GAN: variants seen among roughly 807,000 people sequenced by gnomAD.
GAN encodes the protein gigaxonin, also known as epididymis secretory sperm binding protein.
Under a neutral mutation model 71.3 loss-of-function variants are expected in GAN, and 48 were observed. The observed-to-expected ratio is 0.67, with a 90% confidence interval of 0.53 to 0.86. The LOEUF (loss-of-function observed/expected upper bound fraction) is 0.86. GAN is among the 40% of genes least tolerant of loss of function. The pLI is 0.00. For synonymous variants in GAN, 386 were observed against 276.8 expected, an observed-to-expected ratio of 1.39 and a Z score of -3.92; for missense variants, 928 against 770.1, an observed-to-expected ratio of 1.21 and a Z score of -2.43.
In GAN at chr16:81,385,417, G is replaced by C. The variant is rs888473621; in HGVS notation, c.*7821G>C. 7 of 152,214 alleles carry C rather than the reference G, an allele frequency of 4.6e-5. No individual in the cohort carries two copies. The highest frequency in any genetic ancestry group is 1.7e-4 in the African/African-American group (7 of 41,450). 9.4% of individuals were successfully genotyped at this position (152,214 alleles called of 1,614,324 possible). A position where few individuals can be genotyped will look rare whatever the true frequency, so the allele number is the denominator to read the frequency against. ...AGGCCTTGGTGGCAGGTGCATCTGGGCTTGGGGGCTTCTGCCACACTTACT... is the reference window on the plus strand; with the variant it reads ...AGGCCTTGGTGGCAGGTGCATCTGGCCTTGGGGGCTTCTGCCACACTTACT... On this transcript the variant is annotated 3_prime_UTR_variant, in exon 11 of 11. Coordinates refer to ENST00000648994, the MANE Select transcript of GAN (RefSeq NM_022041.4).
intron 1 of GAN, among the ~76,000 whole-genome samples, chr16:81,329,372 A>G (rs1369014616): frequency 1.3e-5 from 2 of 152,178 alleles, no homozygotes; most frequent in African/African-American, 4.8e-5. Context: ...GTGGCCAAAT[A>G]AACTCTCTAC....
At chr16:81,332,795 C>T (rs968524037) in intron 1 of GAN, among the ~76,000 whole-genome samples, 5 of 152,158 alleles carry the variant, frequency 3.3e-5, no homozygotes, top group African/African-American at 4.8e-5. Flanking sequence ...TGGTTTCTTA[C>T]GATTAGATTG....
At chr16:81,376,535 GTA>G in intron 9 of GAN, among the ~76,000 whole-genome samples, 1 of 147,792 alleles carries the variant, frequency 6.8e-6, no homozygotes, top group African/African-American at 2.5e-5. Context: ...ACATATATGT[GTA>G]TATGTATATA....
Position 81,377,589 on chromosome 16 carries a change from C to G in GAN, c.1787C>G (p.Ser596Cys). 1 of 1,613,968 alleles carries G rather than the reference C, an allele frequency of 6.2e-7. No individual in the cohort carries two copies. Among genetic ancestry groups the G allele is most frequent in the Non-Finnish European group, 8.5e-7 (1 of 1,179,854 alleles). ...GGCTTATTCCGTATTCGTGTTCATT[C>G]CCCTTGAGGAGGAAGCAGAGCAGAG... ...QQGLFRIRVH[S>C]P Residue 596 changes from serine to cysteine, a missense_variant, in exon 11 of 11, where the codon TCC (serine) becomes TGC (cysteine). Ser to Cys is a moderately radical substitution (Grantham distance 112, BLOSUM62 -1). Coordinates refer to ENST00000648994, the MANE Select transcript of GAN (RefSeq NM_022041.4).
chr16:81,357,007 G>T lies in GAN; in HGVS notation c.851+5G>T. The T allele has an allele frequency of 2.6e-6, 4 of 1,549,284 alleles. No homozygotes were observed. The highest frequency in any genetic ancestry group is 3.6e-6 in the Non-Finnish European group (4 of 1,122,114). On this transcript the variant is annotated splice_donor_5th_base_variant and intron_variant, in intron 4 of 10. Coordinates refer to ENST00000648994, the MANE Select transcript of GAN (RefSeq NM_022041.4). ...TGTTGGTGGAGAAGAGAGAGTGTAA[G>T]TATGAGGTGGGACTTGTTTGAAAAG...
chr16:81,350,330 T>C (rs1000483716), intron 1 of GAN, among the ~76,000 whole-genome samples: 9 of 152,232 alleles, frequency 5.9e-5, no homozygotes, highest in East Asian at 1.9e-4. Flanking sequence ...ACTCATTCAA[T>C]TGACAAAACT....
Position 81,377,249 on chromosome 16 carries a change from C to A in GAN, c.1533C>A (p.Cys511Ter). Residue 511 changes from cysteine (C) to a stop codon, truncating the protein, a stop_gained, in exon 10 of 11, where the codon TGC (cysteine) becomes TGA (stop). Transcript: ENST00000648994. LOFTEE classifies it high-confidence loss of function. ...RWIYLNDQNL[C>*]IPASSSFVYG... ...TCTATCTTAACGACCAGAATTTATG[C>A]ATCCCCGCCAGTTCCTCTTTTGTTT... 6.2e-7 allele frequency: 1 copy of A among 1,610,176 alleles called. No homozygotes were observed. Among genetic ancestry groups the A allele is most frequent in the Non-Finnish European group, 8.5e-7 (1 of 1,176,398 alleles).
chr16:81,361,081 G>A (rs1377937030), intron 5 of GAN, among the ~76,000 whole-genome samples: 1 of 152,220 alleles, frequency 6.6e-6, no homozygotes, highest in Admixed American at 6.5e-5. Context: ...AAAGTAGCTG[G>A]GTATGTGGTG....
At chr16:81,355,296 A>C (rs1353026022) in intron 3 of GAN, among the ~76,000 whole-genome samples, 1 of 152,202 alleles carries the variant, frequency 6.6e-6, no homozygotes, top group Non-Finnish European at 1.5e-5. Flanking sequence ...AAGGTCTTAA[A>C]GAATATCAGC....
intron 9 of GAN, 74 bp downstream of exon 9, chr16:81,365,552 GT>G (rs1272602602): frequency 2.0e-6 from 3 of 1,463,620 alleles, no homozygotes; most frequent in Admixed American, 1.7e-5. Flanking sequence ...GCTTTGTTTA[GT>G]TTTGTTTTCA....
chr16:81,353,305 A>AC (rs1273262941), intron 2 of GAN, among the ~76,000 whole-genome samples: 1 of 151,730 alleles, frequency 6.6e-6, no homozygotes, highest in East Asian at 1.9e-4. Context: ...AAAAAAAAAA[A>AC]ACGATAGTTG....
chr16:81,359,401 C>T (rs1910595638), intron 5 of GAN, among the ~76,000 whole-genome samples: 2 of 126,432 alleles, frequency 1.6e-5, no homozygotes, highest in Middle Eastern at 4.3e-3. Context: ...GTCCAGGCTG[C>T]ATTGTTTTTT....
intron 1 of GAN, 37 bp from the exon 2 acceptor site, chr16:81,351,546 C>G (rs759461679): frequency 5.8e-6 from 5 of 856,906 alleles, no homozygotes; most frequent in Admixed American, 1.7e-5. Flanking sequence ...TATTTCTGTT[C>G]TTTCATAGAA....
At chr16:81,343,424 C>G (rs966387823) in intron 1 of GAN, among the ~76,000 whole-genome samples, 1 of 152,218 alleles carries the variant, frequency 6.6e-6, no homozygotes, top group Admixed American at 6.5e-5. Flanking sequence ...CCACCACGAT[C>G]AAGTTGGCTT....
At chr16:81,342,898 A>G (rs1289659769) in intron 1 of GAN, among the ~76,000 whole-genome samples, 1 of 152,228 alleles carries the variant, frequency 6.6e-6, no homozygotes, top group Admixed American at 6.5e-5. Flanking sequence ...AATAAAGAAG[A>G]AAAGAGAGAA....
In GAN at chr16:81,315,216, G is replaced by A. The variant is rs775478057; in HGVS notation, c.103G>A (p.Val35Ile). Residue 35 changes from valine to isoleucine, a missense_variant, in exon 1 of 11, where the codon GTC (valine) becomes ATC (isoleucine). Physicochemically the swap from Val to Ile is conservative, Grantham distance 29. Transcript: ENST00000648994. ...GTCTCGCTTCTGCGACGCGCACCTG[G>A]TCCTCGACGGGGAGGAGATCCCGGT... Reference protein sequence around the residue: ...EESRFCDAHLVLDGEEIPVQK... With the variant: ...EESRFCDAHLILDGEEIPVQK... 17 of 1,581,510 alleles carry A rather than the reference G, an allele frequency of 1.1e-5. No individual in the cohort carries two copies. In the South Asian group the frequency reaches 1.7e-4, roughly 16 times the overall value.
chr16:81,353,484 C>G (rs1026515579), intron 2 of GAN, among the ~76,000 whole-genome samples: 8 of 152,154 alleles, frequency 5.3e-5, no homozygotes, highest in Admixed American at 2.6e-4. Context: ...GGCTTACTCA[C>G]CATACTACTT....
At position 81,389,019 on chromosome 16, in the gene GAN, A is replaced by G. The variant is rs909128393; in HGVS notation, c.*11423A>G. The G allele has an allele frequency of 6.6e-6, 1 of 152,230 alleles. No individual in the cohort carries two copies. Among genetic ancestry groups the G allele is most frequent in the Non-Finnish European group, 1.5e-5 (1 of 68,034 alleles). 9.4% of individuals were successfully genotyped at this position (152,230 alleles called of 1,614,324 possible). A position where few individuals can be genotyped will look rare whatever the true frequency, so the allele number is the denominator to read the frequency against. On this transcript the variant is annotated 3_prime_UTR_variant, in exon 11 of 11. Transcript: ENST00000648994. ...TGGTACATGGGGCGGGCAAAAGGGTATCATCAGCTTAAGAAGTAAAGAAGT... is the reference window on the plus strand; with the variant it reads ...TGGTACATGGGGCGGGCAAAAGGGTGTCATCAGCTTAAGAAGTAAAGAAGT...
At chr16:81,315,854 G>C (rs1909021496) in intron 1 of GAN, among the ~76,000 whole-genome samples, 1 of 152,252 alleles carries the variant, frequency 6.6e-6, no homozygotes, top group South Asian at 2.1e-4. Context: ...AAACCCTCTC[G>C]ATGTTCTCCT....
Sources: gnomAD v4.1 joint callset for allele counts (sites outside exome capture counted in the v4.1 genomes callset) on GRCh38, gnomAD v4.1.1 for gene constraint, MANE v1.5 for transcripts, NCBI Gene and HGNC (gene_info 2026-07-23, HGNC 2026-07-21) for gene names.